The following PCNX1 variants were observed in gnomAD, a reference collection of about 807,000 sequenced individuals.
PCNX1 encodes pecanex-like protein 1.
PCNX1 carries 78 observed loss-of-function variants against 242.2 expected under a neutral mutation model. The ratio of observed to expected loss-of-function variants is 0.32; its 90% confidence interval spans 0.27 to 0.39. PCNX1 has a LOEUF of 0.39. Among genes scored for constraint, PCNX1 ranks in the 10% least tolerant of loss-of-function variants. PCNX1 has a pLI of 1.00. For synonymous variants in PCNX1, 1,024 were observed against 1,032.9 expected (o/e 0.99, Z 0.17); for missense variants, 2,581 against 2,856.5 (o/e 0.90, Z 2.20).
chr14:70,975,605 T>G (rs979944638), intron 5 of PCNX1, among the ~76,000 whole-genome samples: 4 of 152,160 alleles, frequency 2.6e-5, no homozygotes, highest in Non-Finnish European at 4.4e-5. Flanking sequence ...ATCTGTTATT[T>G]TACTTTGTCT....
intron 2 of PCNX1, among the ~76,000 whole-genome samples, chr14:70,959,962 G>C (rs943417147): frequency 7.5e-6 from 1 of 132,894 alleles, no homozygotes; most frequent in Non-Finnish European, 1.6e-5. Context: ...GTTTTGATTT[G>C]CATTTCTCTG....
At position 70,907,722 on chromosome 14, in the gene PCNX1, G is replaced by A. The variant is rs1017038995; in HGVS notation, c.-129G>A. On this transcript the variant is annotated 5_prime_UTR_variant, in exon 1 of 36. Transcript: ENST00000304743. ...CAGCACCAGCGACCGCCGAAGCGCC[G>A]GCTCGCTCACCCGGAGCTCCGGAGG... The A allele has an allele frequency of 2.8e-5, 31 of 1,100,034 alleles. No individual in the cohort carries two copies. Among genetic ancestry groups the A allele is most frequent in the Non-Finnish European group, 3.0e-5 (27 of 890,160 alleles). 68.1% of individuals were successfully genotyped at this position (1,100,034 alleles called of 1,614,324 possible). A position where few individuals can be genotyped will look rare whatever the true frequency, so the allele number is the denominator to read the frequency against.
At chr14:71,051,168 CAAAAAAAA>C (rs758181078) in intron 23 of PCNX1, among the ~76,000 whole-genome samples, 11 of 41,782 alleles carry the variant, frequency 2.6e-4, no homozygotes, top group East Asian at 1.4e-3. Flanking sequence ...AACTCTGTCT[CAAAAAAAA>C]AAAAAAAAAA....
rs376024404 is a variant in PCNX1 at position 71,059,560 on chromosome 14, A to T, written c.4852+1836A>T. On this transcript the variant is annotated intron_variant, in intron 26 of 35. Coordinates refer to ENST00000304743, the MANE Select transcript of PCNX1 (RefSeq NM_014982.3). ...CACCACTCCTGGCTAATTTTTTTTT[A>T]ATTTTTACTTTTGTATAGATAGGAG... 3.5e-3 allele frequency among the ~76,000 whole-genome samples: 535 copies of T among 151,306 alleles called. 1 individual carries two copies. The highest frequency in any genetic ancestry group is 0.013 in the African/African-American group (519 of 41,262).
rs989611593 is a variant in PCNX1 at position 71,024,770 on chromosome 14, G to A, written c.3184-1347G>A. ...CGGAATGCTGTCCAATGCATTGTAG[G>A]ATGTTTGGCATCCTCTACCTACAAG... is the stretch of plus-strand genomic sequence containing the variant. On this transcript the variant is annotated intron_variant, in intron 13 of 35. Transcript: ENST00000304743. Among the ~76,000 whole-genome samples, 20 of 152,156 alleles carry A rather than the reference G, an allele frequency of 1.3e-4. 1 individual carries two copies. The East Asian group carries it at 1.4e-3, about 10-fold the overall frequency.
chr14:71,034,054 GA>G lies in PCNX1; in HGVS notation c.3774+20del, dbSNP rs2060464139. 1 of 1,346,696 alleles carries G rather than the reference GA, an allele frequency of 7.4e-7. No individual in the cohort carries two copies. Among genetic ancestry groups the G allele is most frequent in the Admixed American group, 1.8e-5 (1 of 56,560 alleles). 83.4% of individuals were successfully genotyped at this position (1,346,696 alleles called of 1,614,324 possible). On this transcript the variant is annotated intron_variant, in intron 18 of 35. Coordinates refer to ENST00000304743, the MANE Select transcript of PCNX1 (RefSeq NM_014982.3). Reference sequence around the variant, plus strand: ...ATTCTGTTGTAAGTTTTAACATTTAGAATCACCTAAAAGACTTAAATCTTAG... The same window carrying G: ...ATTCTGTTGTAAGTTTTAACATTTAGATCACCTAAAAGACTTAAATCTTAG...
rs1351761035 is a variant in PCNX1 at position 71,073,774 on chromosome 14, A to G, written c.5082A>G (p.Lys1694=). The G allele has an allele frequency of 1.2e-6, 2 of 1,608,190 alleles. No individual in the cohort carries two copies. The highest frequency in any genetic ancestry group is 3.3e-5 in the Admixed American group (2 of 59,832). ...ASMLQVFDLR[K]VLTTYYVKGI... is the part of the protein sequence containing the mutation. ...TGCTTCAAGTCTTTGATCTTCGGAA[A>G]GTACTCACCACTTACTATGTCAAGG... The change falls in exon 27 of 36, where the codon AAA becomes AAG. Residue 1694 remains lysine, a synonymous_variant. Coordinates refer to ENST00000304743, the MANE Select transcript of PCNX1 (RefSeq NM_014982.3).
chr14:71,038,966 G>A (rs1178309625), intron 19 of PCNX1, among the ~76,000 whole-genome samples: 11 of 150,740 alleles, frequency 7.3e-5, no homozygotes, highest in East Asian at 3.9e-4. Flanking sequence ...GTAAACTATC[G>A]CAAGAACAAA....
At chr14:71,065,969 C>G (rs1217363782) in intron 26 of PCNX1, among the ~76,000 whole-genome samples, 1 of 31,496 alleles carries the variant, frequency 3.2e-5, no homozygotes, top group African/African-American at 1.4e-4. Flanking sequence ...TTCCATTGAT[C>G]TATATATCTG....
At chr14:71,091,759 G>A (rs912082704) in intron 30 of PCNX1, among the ~76,000 whole-genome samples, 1 of 152,198 alleles carries the variant, frequency 6.6e-6, no homozygotes, top group African/African-American at 2.4e-5. Flanking sequence ...CAAAGATGCA[G>A]TATTAAATCA....
intron 11 of PCNX1, among the ~76,000 whole-genome samples, chr14:71,016,959 C>G (rs1486404963): frequency 5.3e-5 from 8 of 151,968 alleles, no homozygotes; most frequent in African/African-American, 1.5e-4. Flanking sequence ...ATACAAATAG[C>G]TAAAGGCTAA....
At chr14:70,990,519 T>A (rs1282308903) in intron 7 of PCNX1, among the ~76,000 whole-genome samples, 2 of 151,612 alleles carry the variant, frequency 1.3e-5, no homozygotes, top group African/African-American at 2.4e-5. Context: ...GAGCCAAGAT[T>A]GCGTCACTGC....
chr14:71,014,553 C>A (rs1237269177), intron 11 of PCNX1, among the ~76,000 whole-genome samples: 1 of 152,130 alleles, frequency 6.6e-6, no homozygotes, highest in Non-Finnish European at 1.5e-5. Context: ...CCAAATCAAA[C>A]TTAGAGAGTT....
intron 1 of PCNX1, among the ~76,000 whole-genome samples, chr14:70,935,477 G>C (rs78335935): frequency 6.6e-6 from 1 of 152,220 alleles, no homozygotes; most frequent in South Asian, 2.1e-4. Context: ...CAATATAATA[G>C]TAGGGGGAGA....
chr14:71,011,426 G>T, intron 9 of PCNX1, 66 bp from the exon 10 acceptor site: 1 of 861,562 alleles, frequency 1.2e-6, no homozygotes, highest in South Asian at 1.4e-5. Flanking sequence ...AATCTCATCT[G>T]AATGTTAAAG....
intron 26 of PCNX1, among the ~76,000 whole-genome samples, chr14:71,065,470 G>T (rs1422248722): frequency 6.6e-6 from 1 of 151,994 alleles, no homozygotes; most frequent in Non-Finnish European, 1.5e-5. Context: ...GGGGTTGTTT[G>T]TTTTTTTCTT....
chr14:71,076,047 A>G, intron 27 of PCNX1, 142 bp from the exon 28 acceptor site: 1 of 594,848 alleles, frequency 1.7e-6, no homozygotes, highest in Admixed American at 3.0e-5. Context: ...ATTGAGGGGG[A>G]ATAAAATACT....
rs1034051525 is a variant in PCNX1, at chr14:71,110,885, A to G, written c.*950A>G. ...TCTGGGAAGAAAACAATTTTCTTTA[A>G]GAAGAAGATGAATGTCCAGGAATTT... On this transcript the variant is annotated 3_prime_UTR_variant, in exon 36 of 36. Coordinates refer to ENST00000304743, the MANE Select transcript of PCNX1 (RefSeq NM_014982.3). The G allele has an allele frequency of 6.6e-6, 1 of 152,640 alleles. No homozygotes were observed. Among genetic ancestry groups the G allele is most frequent in the African/African-American group, 2.4e-5 (1 of 41,452 alleles). The allele number at this position is 152,640 out of a possible 1,614,324, so 9.5% of individuals were successfully genotyped here.
intron 7 of PCNX1, among the ~76,000 whole-genome samples, chr14:70,995,056 A>G (rs1326039363): frequency 6.6e-6 from 1 of 152,178 alleles, no homozygotes; most frequent in Admixed American, 6.5e-5. Context: ...AACGTAACTA[A>G]TACTTGTATA....
Sources: gnomAD v4.1 joint callset for allele counts (sites outside exome capture counted in the v4.1 genomes callset) on GRCh38, gnomAD v4.1.1 for gene constraint, MANE v1.5 for transcripts, NCBI Gene and HGNC (gene_info 2026-07-23, HGNC 2026-07-21) for gene names.